Variants in CNTN5 observed in about 807,000 individuals in gnomAD.
CNTN5 encodes contactin 5.
Under a neutral mutation model 129.1 loss-of-function variants are expected in CNTN5, and 77 were observed. The observed-to-expected ratio is 0.60, with a 90% confidence interval of 0.50 to 0.72. The LOEUF (loss-of-function observed/expected upper bound fraction) is 0.72, where lower values mean the gene tolerates loss of function less well. CNTN5 is among the 30% of genes least tolerant of loss of function. The pLI is 0.00. For synonymous variants in CNTN5, 509 were observed against 465.6 expected, an observed-to-expected ratio of 1.09 and a Z score of -1.20; for missense variants, 1,478 against 1,328.8, an observed-to-expected ratio of 1.11 and a Z score of -1.75.
intron 2 of CNTN5, among the ~76,000 whole-genome samples, chr11:99,430,853 A>G (rs1340412663): frequency 1.3e-5 from 2 of 152,140 alleles, no homozygotes; most frequent in Non-Finnish European, 1.5e-5. Flanking sequence ...GCAGAATCTT[A>G]TCTACCGAAC....
chr11:99,477,981 T>A (rs528037036), intron 2 of CNTN5, among the ~76,000 whole-genome samples: 78 of 152,102 alleles, frequency 5.1e-4, no homozygotes, highest in South Asian at 2.7e-3. Flanking sequence ...GAGGTTTAGT[T>A]GGAGATGATT....
chr11:99,909,386 T>G (rs934477878), intron 6 of CNTN5, among the ~76,000 whole-genome samples: 2 of 152,160 alleles, frequency 1.3e-5, no homozygotes, highest in Admixed American at 6.5e-5. Context: ...CTTCAACCAT[T>G]GTGGAAGTCA....
At position 99,519,358 on chromosome 11, in the gene CNTN5, G is replaced by A. The variant is rs181547665; in HGVS notation, c.-70-36787G>A. On this transcript the variant is annotated intron_variant, in intron 2 of 24. Coordinates refer to ENST00000524871, the MANE Select transcript of CNTN5 (RefSeq NM_014361.4). The stretch of plus-strand genomic sequence containing the variant: ...TTAACATCATGCTGCTATCCTTACA[G>A]TTTGTTCACAGCACCAATTTTACTC... 1.2e-3 allele frequency among the ~76,000 whole-genome samples: 181 copies of A among 152,048 alleles called. 4 individuals are homozygous for A. Among genetic ancestry groups the A allele is most frequent in the Non-Finnish European group, 1.3e-3 (90 of 67,914 alleles).
chr11:99,727,663 A>G (rs559097486), intron 3 of CNTN5, among the ~76,000 whole-genome samples: 2 of 152,238 alleles, frequency 1.3e-5, no homozygotes, highest in South Asian at 2.1e-4. Context: ...CAGAAAAACA[A>G]AAACAGCTGT....
chr11:100,215,213 C>T (rs997825770), intron 15 of CNTN5, among the ~76,000 whole-genome samples: 1 of 152,142 alleles, frequency 6.6e-6, no homozygotes, highest in African/African-American at 2.4e-5. Context: ...TTACATTCCC[C>T]AGAATAGATG....
At chr11:99,524,212 T>C (rs1947399034) in intron 2 of CNTN5, among the ~76,000 whole-genome samples, 1 of 152,172 alleles carries the variant, frequency 6.6e-6, no homozygotes, top group Admixed American at 6.5e-5. Flanking sequence ...TGATGGTGCT[T>C]TTAATCTGGC....
chr11:99,122,219 T>C (rs1413820903), intron 1 of CNTN5, among the ~76,000 whole-genome samples: 3 of 152,156 alleles, frequency 2.0e-5, no homozygotes, highest in Non-Finnish European at 4.4e-5. Flanking sequence ...AGAGATTTAC[T>C]ATCCCTTGCT....
chr11:100,342,399 A>G (rs1450763255), intron 23 of CNTN5, among the ~76,000 whole-genome samples: 2 of 152,198 alleles, frequency 1.3e-5, no homozygotes, highest in Non-Finnish European at 2.9e-5. Context: ...TAATATCATT[A>G]GAACTATGAT....
chr11:99,891,429 C>T (rs1010602476), intron 6 of CNTN5, among the ~76,000 whole-genome samples: 3 of 151,948 alleles, frequency 2.0e-5, no homozygotes, highest in African/African-American at 4.8e-5. Flanking sequence ...TTGCTGCACC[C>T]ATCAACCCAT....
intron 3 of CNTN5, among the ~76,000 whole-genome samples, chr11:99,739,283 C>G (rs973767774): frequency 6.6e-6 from 1 of 152,034 alleles, no homozygotes; most frequent in Non-Finnish European, 1.5e-5. Context: ...GTTCCTTTAT[C>G]AAGATGGTTC....
At chr11:99,332,835 A>G (rs1042484895) in intron 2 of CNTN5, among the ~76,000 whole-genome samples, 1 of 152,092 alleles carries the variant, frequency 6.6e-6, no homozygotes, top group Non-Finnish European at 1.5e-5. Flanking sequence ...AAGTGTCAGT[A>G]TTTACCTTAC....
chr11:99,659,276 A>G (rs1007860602), intron 3 of CNTN5, among the ~76,000 whole-genome samples: 2 of 152,164 alleles, frequency 1.3e-5, no homozygotes, highest in African/African-American at 4.8e-5. Context: ...GAAGAGAATC[A>G]TAAGATGTGG....
chr11:99,522,843 G>C (rs1263987174), intron 2 of CNTN5, among the ~76,000 whole-genome samples: 1 of 152,032 alleles, frequency 6.6e-6, no homozygotes, highest in Non-Finnish European at 1.5e-5. Flanking sequence ...TCCTCTCCTT[G>C]TAACTAATGC....
intron 9 of CNTN5, among the ~76,000 whole-genome samples, chr11:100,007,289 C>G (rs12277485): frequency 1.3e-5 from 2 of 151,834 alleles, no homozygotes; most frequent in South Asian, 4.2e-4. Flanking sequence ...CTGCATTAGC[C>G]CCTAACAAGA....
intron 7 of CNTN5, among the ~76,000 whole-genome samples, chr11:99,926,293 G>A (rs1950060887): frequency 6.6e-6 from 1 of 152,042 alleles, no homozygotes; most frequent in Admixed American, 6.6e-5. Flanking sequence ...CTTGGAAATG[G>A]GAATCTCAGA....
At chr11:99,779,674 G>A (rs887818233) in intron 3 of CNTN5, among the ~76,000 whole-genome samples, 1 of 151,882 alleles carries the variant, frequency 6.6e-6, no homozygotes, top group Non-Finnish European at 1.5e-5. Context: ...ATATTGACAA[G>A]GAAATTGAGG....
intron 3 of CNTN5, among the ~76,000 whole-genome samples, chr11:99,691,064 T>C (rs758908559): frequency 6.6e-6 from 1 of 152,104 alleles, no homozygotes; most frequent in Non-Finnish European, 1.5e-5. Context: ...TATAATAGTC[T>C]CTGATGACTT....
intron 13 of CNTN5, among the ~76,000 whole-genome samples, chr11:100,165,365 C>A (rs1480748103): frequency 6.6e-6 from 1 of 151,576 alleles, no homozygotes; most frequent in East Asian, 1.9e-4. Context: ...ATAGCAGGTG[C>A]TCAATAAGTA....
intron 3 of CNTN5, among the ~76,000 whole-genome samples, chr11:99,728,058 G>A (rs1057159669): frequency 6.6e-6 from 1 of 152,182 alleles, no homozygotes; most frequent in Non-Finnish European, 1.5e-5. Flanking sequence ...GGAATCAGAA[G>A]TGAAAACATT....
Sources: gnomAD v4.1 joint callset for allele counts (sites outside exome capture counted in the v4.1 genomes callset) on GRCh38, gnomAD v4.1.1 for gene constraint, MANE v1.5 for transcripts, NCBI Gene and HGNC (gene_info 2026-07-23, HGNC 2026-07-21) for gene names.